ZNF268: variants seen among roughly 807,000 people sequenced by gnomAD.
ZNF268 encodes the protein zinc finger protein 268.
Under a neutral mutation model 29.3 loss-of-function variants are expected in ZNF268, and 20 were observed. That is an observed-to-expected ratio of 0.68 (90% CI 0.48 to 0.99). The LOEUF (loss-of-function observed/expected upper bound fraction) is 0.99. Ranked by LOEUF, ZNF268 falls within the 50% of genes least tolerant of loss-of-function variation. The pLI is 0.00. For missense variants in ZNF268, 1,240 were observed against 1,121.6 expected, an observed-to-expected ratio of 1.11 and a Z score of -1.51; for synonymous variants, 429 against 376.9, an observed-to-expected ratio of 1.14 and a Z score of -1.60.
intron 5 of ZNF268, among the ~76,000 whole-genome samples, chr12:133,195,867 G>A (rs1265880846): frequency 1.3e-5 from 2 of 151,614 alleles, no homozygotes; most frequent in East Asian, 2.0e-4. Context: ...ACAGGTACGC[G>A]CTACCACACC....
At position 133,202,493 on chromosome 12, in the gene ZNF268, G is replaced by T. The variant is rs369092199; in HGVS notation, c.807G>T (p.Met269Ile). The T allele has an allele frequency of 6.2e-7, 1 of 1,612,248 alleles. No homozygotes were observed. ...NKKSQLMCQQ[M>I]YMGEKPFGCS... is the part of the protein sequence containing the mutation. ...AATCGCAACTTATGTGCCAACAAAT[G>T]TATATGGGCGAAAAACCCTTTGGAT... is the stretch of plus-strand genomic sequence containing the variant. Residue 269 changes from methionine (M) to isoleucine (I), a missense_variant, in exon 6 of 6, where the codon ATG becomes ATT. By Grantham distance (10) the Met-to-Ile change is conservative. Coordinates refer to ENST00000536435, the MANE Select transcript of ZNF268 (RefSeq NM_003415.3).
chr12:133,209,443 ATATATT>A lies in ZNF268; in HGVS notation c.*4916_*4921del, dbSNP rs1445499597. 5 of 152,210 alleles carry A rather than the reference ATATATT, an allele frequency of 3.3e-5. No individual in the cohort carries two copies. Among genetic ancestry groups the A allele is most frequent in the African/African-American group, 7.2e-5 (3 of 41,454 alleles). The allele number at this position is 152,210 out of a possible 1,614,324, so 9.4% of individuals were successfully genotyped here. On this transcript the variant is annotated 3_prime_UTR_variant, in exon 6 of 6. Transcript: ENST00000536435. ...ATAAATTCTGATTTTGGTATAAATG[ATATATT>A]TAAATTTAAATGAAGTTGCAAGTTT...
chr12:133,187,862 G>A lies in ZNF268; in HGVS notation c.34-10G>A, dbSNP rs1349467875. 1 of 1,578,792 alleles carries A rather than the reference G, an allele frequency of 6.3e-7. No individual in the cohort carries two copies. Among genetic ancestry groups the A allele is most frequent in the Non-Finnish European group, 8.6e-7 (1 of 1,161,896 alleles). Reference sequence around the variant, plus strand: ...TGCTCGCTAAAGTAAATTTGCTCTTGAGTCCACAGGTCCCACCTCTCCAAG... The same window carrying A: ...TGCTCGCTAAAGTAAATTTGCTCTTAAGTCCACAGGTCCCACCTCTCCAAG... On this transcript the variant is annotated splice_polypyrimidine_tract_variant and intron_variant, in intron 2 of 5. Transcript: ENST00000536435.
At chr12:133,201,410 T>C (rs1956749313) in intron 5 of ZNF268, among the ~76,000 whole-genome samples, 1 of 152,090 alleles carries the variant, frequency 6.6e-6, no homozygotes, top group Admixed American at 6.6e-5. Context: ...AGTAGCTTCC[T>C]GGAAAAGGGT....
rs926996829 is a variant in ZNF268 at position 133,213,712 on chromosome 12, A to G, written c.*9182A>G. The G allele has an allele frequency of 2.6e-5, 4 of 151,810 alleles. No individual in the cohort carries two copies. Among genetic ancestry groups the G allele is most frequent in the Non-Finnish European group, 4.4e-5 (3 of 67,984 alleles). 9.4% of individuals were successfully genotyped at this position (151,810 alleles called of 1,614,324 possible). A position where few individuals can be genotyped will look rare whatever the true frequency, so the allele number is the denominator to read the frequency against. ...AAGCAAAATTCCATCTCAAAAAAAAAAAAAAGGCCGGGTGTGGTGGCTCAC... is the reference window on the plus strand; with the variant it reads ...AAGCAAAATTCCATCTCAAAAAAAAGAAAAAGGCCGGGTGTGGTGGCTCAC... On this transcript the variant is annotated 3_prime_UTR_variant, in exon 6 of 6. Coordinates refer to ENST00000536435, the MANE Select transcript of ZNF268 (RefSeq NM_003415.3).
rs759153116 is a variant in ZNF268, at chr12:133,203,907, G to C, written c.2221G>C (p.Val741Leu). The change falls in exon 6 of 6, where the codon GTG becomes CTG. Residue 741 changes from valine (V) to leucine (L), a missense_variant. Physicochemically the swap from Val to Leu is conservative, Grantham distance 32. Around this residue, in one of 3 missense-constraint regions of ZNF268, gnomAD observed 1,177 missense variants for 1,039.6 expected, o/e 1.13. Coordinates refer to ENST00000536435, the MANE Select transcript of ZNF268 (RefSeq NM_003415.3). ...KSFSFNSQLI[V>L]HQRIHTGENP... is the part of the protein sequence containing the mutation. ...CTTTAGTTTCAATTCACAACTCATT[G>C]TGCATCAGAGAATTCACACAGGAGA... 57 of 1,583,958 alleles carry C rather than the reference G, an allele frequency of 3.6e-5. No individual in the cohort carries two copies. The highest frequency in any genetic ancestry group is 4.7e-5 in the Non-Finnish European group (55 of 1,167,728).
chr12:133,213,877 T>G lies in ZNF268; in HGVS notation c.*9347T>G, dbSNP rs1232460349. 1 of 151,928 alleles carries G rather than the reference T, an allele frequency of 6.6e-6. No homozygotes were observed. The highest frequency in any genetic ancestry group is 1.5e-5 in the Non-Finnish European group (1 of 68,038). 9.4% of individuals were successfully genotyped at this position (151,928 alleles called of 1,614,324 possible). A position where few individuals can be genotyped will look rare whatever the true frequency, so the allele number is the denominator to read the frequency against. ...TAGCCAGGCTGGTAGTGGAAGCCTG[T>G]AGTCCCAGCTACTTGGGAGGCTGAG... is the stretch of plus-strand genomic sequence containing the variant. On this transcript the variant is annotated 3_prime_UTR_variant, in exon 6 of 6. Coordinates refer to ENST00000536435, the MANE Select transcript of ZNF268 (RefSeq NM_003415.3).
intron 5 of ZNF268, among the ~76,000 whole-genome samples, chr12:133,194,206 C>T (rs1011181355): frequency 6.6e-6 from 1 of 152,176 alleles, no homozygotes; most frequent in African/African-American, 2.4e-5. Flanking sequence ...CCCATTTATT[C>T]TATCACTAGC....
At position 133,191,884 on chromosome 12, in the gene ZNF268, T is replaced by C. The variant is rs1424435415; in HGVS notation, c.362-24T>C. On this transcript the variant is annotated intron_variant, in intron 4 of 5. Coordinates refer to ENST00000536435, the MANE Select transcript of ZNF268 (RefSeq NM_003415.3). ...GAATCTCAAGCTGTTTGTTCCAGGT[T>C]GTCTGTGATTTTTCTATTTATAGGG... 3 of 1,607,744 alleles carry C rather than the reference T, an allele frequency of 1.9e-6. No homozygotes were observed. In the Admixed American group the frequency reaches 5.0e-5, roughly 27 times the overall value.
rs1441460614 is a variant in ZNF268 at position 133,207,877 on chromosome 12, CAT to C, written c.*3349_*3350del. 3 of 152,078 alleles carry C rather than the reference CAT, an allele frequency of 2.0e-5. No homozygotes were observed. Among genetic ancestry groups the C allele is most frequent in the African/African-American group, 7.2e-5 (3 of 41,418 alleles). The allele number at this position is 152,078 out of a possible 1,614,324, so 9.4% of individuals were successfully genotyped here. On this transcript the variant is annotated 3_prime_UTR_variant, in exon 6 of 6. Coordinates refer to ENST00000536435, the MANE Select transcript of ZNF268 (RefSeq NM_003415.3). ...TTTTAATTAACTACCAGATAAAACT[CAT>C]AAGGATTATCTCAGTATATGCTGAT...
rs769771679 is a variant in ZNF268, at chr12:133,202,891, A to G, written c.1205A>G (p.Gln402Arg). 1 of 1,553,010 alleles carries G rather than the reference A, an allele frequency of 6.4e-7. No individual in the cohort carries two copies. Among genetic ancestry groups the G allele is most frequent in the East Asian group, 2.4e-5 (1 of 42,150 alleles). ...GGGAAAGCTTTTGGTTTAAAATCAC[A>G]GCTCATTATACATGAAAGAATTCAT... ...ECGKAFGLKSQLIIHERIHTG... is the reference protein window; with the variant it reads ...ECGKAFGLKSRLIIHERIHTG... Residue 402 changes from glutamine to arginine, a missense_variant, in exon 6 of 6, where the codon CAG becomes CGG. Coordinates refer to ENST00000536435, the MANE Select transcript of ZNF268 (RefSeq NM_003415.3).
intron 3 of ZNF268, among the ~76,000 whole-genome samples, chr12:133,190,550 G>C (rs1017104557): frequency 1.3e-5 from 2 of 152,150 alleles, no homozygotes; most frequent in African/African-American, 4.8e-5. Flanking sequence ...AATGACATAT[G>C]GTATTGAGCA....
rs1443544758 is a variant in ZNF268 at position 133,210,367 on chromosome 12, C to T, written c.*5837C>T. On this transcript the variant is annotated 3_prime_UTR_variant, in exon 6 of 6. Transcript: ENST00000536435. ...TTGCATCCCCCACCACGGGTCAGTC[C>T]TGAGGAGGATACTCTGGTCATCACT... The T allele has an allele frequency of 1.1e-5, 2 of 177,468 alleles. No individual in the cohort carries two copies. Among genetic ancestry groups the T allele is most frequent in the African/African-American group, 4.7e-5 (2 of 42,616 alleles). The allele number at this position is 177,468 out of a possible 1,614,324, so 11.0% of individuals were successfully genotyped here. A position where few individuals can be genotyped will look rare whatever the true frequency, so the allele number is the denominator to read the frequency against.
intron 2 of ZNF268, chr12:133,184,666 T>TGGA (rs1956262848): frequency 2.3e-6 from 1 of 442,394 alleles, no homozygotes; most frequent in African/African-American, 2.0e-5. Flanking sequence ...TCTTCCAGGC[T>TGGA]GGAGTGCAGT....
rs778926425 is a variant in ZNF268, at chr12:133,191,481, T to A, written c.235-8T>A. 2 of 1,614,010 alleles carry A rather than the reference T, an allele frequency of 1.2e-6. No individual in the cohort carries two copies. Among genetic ancestry groups the A allele is most frequent in the Non-Finnish European group, 8.5e-7 (1 of 1,179,884 alleles). Reference sequence around the variant, plus strand: ...AACTTGAAATTGGATGAGCATATTGTATTTCAGGGACCTTTGTCATTCATG... The same window carrying A: ...AACTTGAAATTGGATGAGCATATTGAATTTCAGGGACCTTTGTCATTCATG... On this transcript the variant is annotated splice_polypyrimidine_tract_variant and splice_region_variant and intron_variant, in intron 3 of 5. Transcript: ENST00000536435.
At chr12:133,199,187 C>G (rs1021449972) in intron 5 of ZNF268, among the ~76,000 whole-genome samples, 3 of 152,086 alleles carry the variant, frequency 2.0e-5, no homozygotes, top group African/African-American at 4.8e-5. Context: ...ATAGATAGCT[C>G]TTATTATTTT....
At chr12:133,192,816 C>T (rs745620054) in intron 5 of ZNF268, among the ~76,000 whole-genome samples, 46 of 152,016 alleles carry the variant, frequency 3.0e-4, no homozygotes, top group African/African-American at 8.9e-4. Context: ...CCTGCCACCA[C>T]GCCCGGCTAA....
chr12:133,207,742 A>C lies in ZNF268; in HGVS notation c.*3212A>C, dbSNP rs1472881413. 1 of 152,182 alleles carries C rather than the reference A, an allele frequency of 6.6e-6. No homozygotes were observed. Among genetic ancestry groups the C allele is most frequent in the Non-Finnish European group, 1.5e-5 (1 of 68,030 alleles). The allele number at this position is 152,182 out of a possible 1,614,324, so 9.4% of individuals were successfully genotyped here. A position where few individuals can be genotyped will look rare whatever the true frequency, so the allele number is the denominator to read the frequency against. ...AGAATCACTTGAATCTAGGAGGCGGAAGTTGCAGTGAGCTGAGATCGTACC... is the reference window on the plus strand; with the variant it reads ...AGAATCACTTGAATCTAGGAGGCGGCAGTTGCAGTGAGCTGAGATCGTACC... On this transcript the variant is annotated 3_prime_UTR_variant, in exon 6 of 6. Transcript: ENST00000536435.
Position 133,212,445 on chromosome 12 carries a change from TTATATATATATATA to T in ZNF268, c.*7955_*7968del, listed in dbSNP as rs565059550. ...CCAAGGGAGACTTTCATGTGTGATT[TTATATATATATATA>T]TATATATATATATATATATATATAT... On this transcript the variant is annotated 3_prime_UTR_variant, in exon 6 of 6. Transcript: ENST00000536435. 4.1e-4 allele frequency: 49 copies of T among 118,564 alleles called. No homozygotes were observed. The highest frequency in any genetic ancestry group is 1.2e-3 in the Admixed American group (14 of 11,812). The allele number at this position is 118,564 out of a possible 1,614,324, so 7.3% of individuals were successfully genotyped here.
Sources: allele counts gnomAD v4.1 joint callset (sites outside exome capture counted in the v4.1 genomes callset), GRCh38; gene constraint gnomAD v4.1.1; regional missense constraint gnomAD v4.1.1; transcripts MANE v1.5; gene names NCBI Gene and HGNC (gene_info 2026-07-23, HGNC 2026-07-21).